The following GPC5 variants were observed in gnomAD, a reference collection of about 807,000 sequenced individuals.
The protein encoded by GPC5 is glypican 5.
In GPC5, 47 loss-of-function variants were observed where a neutral mutation model predicts 53.9. The observed-to-expected ratio is 0.87, with a 90% CI of 0.69 to 1.11. GPC5 has a LOEUF of 1.11. GPC5 is among the 50% of genes most tolerant of loss of function. GPC5 has a pLI of 0.00. For synonymous variants in GPC5, 286 were observed against 263.3 expected (o/e 1.09, Z -0.84); for missense variants, 748 against 713.1 (o/e 1.05, Z -0.56).
At chr13:91,722,563 TAGG>T in intron 3 of GPC5, among the ~76,000 whole-genome samples, 1 of 152,152 alleles carries the variant, frequency 6.6e-6, no homozygotes, top group East Asian at 1.9e-4. Context: ...GTGGGGCCAA[TAGG>T]AGATTATTAA....
chr13:92,347,877 ATATATTATATATATT>A (rs2043431527), intron 7 of GPC5, among the ~76,000 whole-genome samples: 1 of 2,144 alleles, frequency 4.7e-4, no homozygotes, highest in African/African-American at 1.7e-3. Flanking sequence ...TATATATAAT[ATATATTATATATATT>A]ATATATATAA....
intron 7 of GPC5, among the ~76,000 whole-genome samples, chr13:92,288,986 G>T (rs1272519318): frequency 6.6e-6 from 1 of 151,792 alleles, no homozygotes; most frequent in Non-Finnish European, 1.5e-5. Context: ...GTATAGGTTT[G>T]TAGAAAAACT....
At chr13:91,887,048 G>T (rs2039331107) in intron 5 of GPC5, among the ~76,000 whole-genome samples, 2 of 152,150 alleles carry the variant, frequency 1.3e-5, no homozygotes, top group South Asian at 4.1e-4. Context: ...CCTAGCAGAG[G>T]TTCCTCATGA....
chr13:91,667,371 C>T (rs992999537), intron 2 of GPC5, among the ~76,000 whole-genome samples: 3 of 151,990 alleles, frequency 2.0e-5, no homozygotes, highest in Non-Finnish European at 2.9e-5. Context: ...TTACATATTA[C>T]CCCCTTCATA....
chr13:92,639,368 C>T (rs1468971933), intron 7 of GPC5, among the ~76,000 whole-genome samples: 1 of 152,086 alleles, frequency 6.6e-6, no homozygotes. Context: ...GCTGTGTTTC[C>T]CACCTGTTCT....
chr13:92,825,053 T>A (rs1015498121), intron 7 of GPC5, among the ~76,000 whole-genome samples: 3 of 152,146 alleles, frequency 2.0e-5, no homozygotes, highest in African/African-American at 7.2e-5. Flanking sequence ...ATAATTCTAC[T>A]TGGGACACTA....
chr13:92,842,395 T>G (rs1384566447), intron 7 of GPC5, among the ~76,000 whole-genome samples: 1 of 152,024 alleles, frequency 6.6e-6, no homozygotes, highest in Non-Finnish European at 1.5e-5. Context: ...TACATATTAG[T>G]TGGGTTTGTG....
chr13:91,502,088 G>A (rs1462598012), intron 2 of GPC5, among the ~76,000 whole-genome samples: 1 of 152,026 alleles, frequency 6.6e-6, no homozygotes, highest in East Asian at 1.9e-4. Flanking sequence ...TTTTTGATGG[G>A]GTTGTTTGTT....
chr13:91,502,750 C>T (rs146034724), intron 2 of GPC5, among the ~76,000 whole-genome samples: 53 of 152,308 alleles, frequency 3.5e-4, no homozygotes, highest in Admixed American at 5.2e-4. Context: ...AGGTAATGTG[C>T]TGGTTACTTT....
At position 91,913,410 on chromosome 13, in the gene GPC5, A is replaced by G. The variant is rs11840276; in HGVS notation, c.1401+5353A>G. 5.4e-3 allele frequency among the ~76,000 whole-genome samples: 816 copies of G among 151,256 alleles called. 14 individuals are homozygous for G. Among genetic ancestry groups the G allele is most frequent in the African/African-American group, 0.017 (694 of 41,274 alleles). On this transcript the variant is annotated intron_variant, in intron 6 of 7. Transcript: ENST00000377067. ...CAAGACTCTGTCAAAAAAAAAAAAA[A>G]GGGAAAAGAAAAGGAGTTTTGAGAC...
At chr13:92,751,967 T>G (rs1311888540) in intron 7 of GPC5, among the ~76,000 whole-genome samples, 2 of 152,164 alleles carry the variant, frequency 1.3e-5, no homozygotes, top group Non-Finnish European at 2.9e-5. Context: ...AAAAAAAGTT[T>G]TCATTTGTAT....
intron 7 of GPC5, among the ~76,000 whole-genome samples, chr13:92,337,028 T>G (rs935678617): frequency 1.3e-5 from 2 of 152,106 alleles, no homozygotes; most frequent in African/African-American, 4.8e-5. Flanking sequence ...ATGATTCAGT[T>G]ATCTCCCACT....
At chr13:92,089,789 G>A (rs972082946) in intron 6 of GPC5, among the ~76,000 whole-genome samples, 1 of 152,060 alleles carries the variant, frequency 6.6e-6, no homozygotes, top group African/African-American at 2.4e-5. Flanking sequence ...TAATTATTCA[G>A]TTCCCAGCCT....
chr13:91,445,091 C>T (rs373503419), intron 1 of GPC5, among the ~76,000 whole-genome samples: 20 of 152,278 alleles, frequency 1.3e-4, no homozygotes, highest in African/African-American at 3.4e-4. Flanking sequence ...CCCTTCTTCA[C>T]GGTTTCATGG....
intron 7 of GPC5, among the ~76,000 whole-genome samples, chr13:92,440,236 C>A (rs867670658): frequency 5.3e-5 from 8 of 152,156 alleles, no homozygotes; most frequent in African/African-American, 1.7e-4. Context: ...GGTAGTTTTT[C>A]AACACTTTAC....
At chr13:92,782,317 A>C (rs1165878682) in intron 7 of GPC5, among the ~76,000 whole-genome samples, 1 of 152,182 alleles carries the variant, frequency 6.6e-6, no homozygotes, top group Non-Finnish European at 1.5e-5. Context: ...TAATTAAGGC[A>C]AATAACCCAT....
At chr13:91,568,069 G>A (rs1158815391) in intron 2 of GPC5, among the ~76,000 whole-genome samples, 1 of 152,166 alleles carries the variant, frequency 6.6e-6, no homozygotes, top group South Asian at 2.1e-4. Flanking sequence ...GAAGGTGCCT[G>A]CTTCCTCTTC....
intron 7 of GPC5, among the ~76,000 whole-genome samples, chr13:92,573,457 A>G (rs1883096030): frequency 6.6e-6 from 1 of 152,176 alleles, no homozygotes; most frequent in Non-Finnish European, 1.5e-5. Context: ...TCAATTATAC[A>G]ATGTTTTTCC....
chr13:91,752,700 T>C (rs1030180497), intron 4 of GPC5, among the ~76,000 whole-genome samples: 1 of 152,204 alleles, frequency 6.6e-6, no homozygotes, highest in East Asian at 1.9e-4. Flanking sequence ...ATTTTCTCCA[T>C]GTCCATTATT....
Sources: allele counts gnomAD v4.1 joint callset (sites outside exome capture counted in the v4.1 genomes callset), GRCh38; gene constraint gnomAD v4.1.1; transcripts MANE v1.5; gene names NCBI Gene and HGNC (gene_info 2026-07-23, HGNC 2026-07-21).